Variants in CDH16 observed in about 807,000 individuals in gnomAD.
CDH16 encodes cadherin-16.
In CDH16, 79 loss-of-function variants were observed where a neutral mutation model predicts 87.6. The ratio of observed to expected loss-of-function variants is 0.90; its 90% CI spans 0.75 to 1.09. The LOEUF (loss-of-function observed/expected upper bound fraction) is 1.09, where lower values mean the gene tolerates loss of function less well. Ranked by LOEUF, CDH16 falls within the 50% of genes least tolerant of loss-of-function variation. The pLI, the probability that CDH16 is intolerant of heterozygous loss-of-function variation, is 0.00. For synonymous variants in CDH16, 457 were observed against 439.5 expected, an observed-to-expected ratio of 1.04 and a Z score of -0.50; for missense variants, 1,124 against 1,071.7, an observed-to-expected ratio of 1.05 and a Z score of -0.68.
chr16:66,918,078 C>T lies in CDH16; in HGVS notation c.-13G>A. On this transcript the variant is annotated splice_region_variant and 5_prime_UTR_variant, in exon 2 of 18. Transcript: ENST00000299752. ...AGGCAGGGACCATGGTCAGGACAGG[C>T]CTGAGGGACACGGCAGTGAGGATCC... 1 of 1,572,780 alleles carries T rather than the reference C, an allele frequency of 6.4e-7. No homozygotes were observed.
In CDH16 at chr16:66,910,396, TG is replaced by T; in HGVS notation, c.2030del (p.Thr677AsnfsTer8). Reference protein sequence around the residue: ...LAPVPSQYLCTPRQDHGLIVS... With the variant: ...LAPVPSQYLCXPRQDHGLIVS... ...CGATCAAGCCATGGTCTTGGCGGGG[TG>T]TGCAGAGGTATTGGGAGGGCACAGG... On this transcript the variant is annotated frameshift_variant, in exon 15 of 18. Transcript: ENST00000299752. LOFTEE classifies it high-confidence loss of function. 6.2e-7 allele frequency: 1 copy of T among 1,612,312 alleles called. No individual in the cohort carries two copies. The highest frequency in any genetic ancestry group is 8.5e-7 in the Non-Finnish European group (1 of 1,179,166).
At position 66,911,971 on chromosome 16, in the gene CDH16, A is replaced by C. The variant is rs750562354; in HGVS notation, c.1718T>G (p.Val573Gly). The part of the protein sequence containing the change: ...KLDQESYEAS[V>G]PISAPAGSFL... ...AGAGCCGGCTGGGGCACTGATGGGG[A>C]CACTGGCCTCGTAGCTCTCCTGGTC... Residue 573 changes from valine to glycine, a missense_variant, in exon 13 of 18, where the codon GTC (valine) becomes GGC (glycine). Transcript: ENST00000299752. 1 of 1,613,980 alleles carries C rather than the reference A, an allele frequency of 6.2e-7. No individual in the cohort carries two copies. The highest frequency in any genetic ancestry group is 1.7e-5 in the Admixed American group (1 of 60,018).
chr16:66,909,198 T>C lies in CDH16; in HGVS notation c.2392+69A>G. 1 of 981,340 alleles carries C rather than the reference T, an allele frequency of 1.0e-6. No individual in the cohort carries two copies. The highest frequency in any genetic ancestry group is 2.4e-5 in the East Asian group (1 of 41,712). 60.8% of individuals were successfully genotyped at this position (981,340 alleles called of 1,614,324 possible). On this transcript the variant is annotated intron_variant, in intron 17 of 17. Transcript: ENST00000299752. This position sits in a 1 kb window ranked among gnomAD's most constrained non-coding sequence, Gnocchi z 4.1. ...AGGGGCACCATGGGGACAAAGGTGT[T>C]TATTTGGAGGCTGTGGTCCCAACCA...
chr16:66,916,224 G>A lies in CDH16; in HGVS notation c.286-21C>T, dbSNP rs964550152. On this transcript the variant is annotated intron_variant, in intron 4 of 17. Coordinates refer to ENST00000299752, the MANE Select transcript of CDH16 (RefSeq NM_004062.4). The surrounding 1 kb of genome is among the most constrained non-coding windows in gnomAD (Gnocchi z 4.1). ...GTGACCTGGCAGGGAAGGGGAGTCA[G>A]CGTCTGGCTCTGCCTTGCCTGCTCT... 5 of 1,614,250 alleles carry A rather than the reference G, an allele frequency of 3.1e-6. No homozygotes were observed. The highest frequency in any genetic ancestry group is 4.2e-6 in the Non-Finnish European group (5 of 1,180,032).
rs748140967 is a variant in CDH16 at position 66,913,615 on chromosome 16, TG to T, written c.781-3del. ...CACATCACCCCCACTCCAGTGTACC[TG>T]GGGGGGACACCCCGGGCCAAGGGGC... On this transcript the variant is annotated splice_region_variant and splice_polypyrimidine_tract_variant and intron_variant, in intron 7 of 17. Coordinates refer to ENST00000299752, the MANE Select transcript of CDH16 (RefSeq NM_004062.4). The T allele has an allele frequency of 1.9e-6, 3 of 1,613,546 alleles. No homozygotes were observed. The highest frequency in any genetic ancestry group is 1.3e-5 in the African/African-American group (1 of 75,022).
In CDH16 at chr16:66,918,090, G is replaced by A. The variant is rs777822274; in HGVS notation, c.-13-12C>T. On this transcript the variant is annotated splice_polypyrimidine_tract_variant and intron_variant, in intron 1 of 17. Coordinates refer to ENST00000299752, the MANE Select transcript of CDH16 (RefSeq NM_004062.4). Reference sequence around the variant, plus strand: ...TGGTCAGGACAGGCCTGAGGGACACGGCAGTGAGGATCCAGCCCAGGTGGG... The same window carrying A: ...TGGTCAGGACAGGCCTGAGGGACACAGCAGTGAGGATCCAGCCCAGGTGGG... The A allele has an allele frequency of 1.5e-5, 24 of 1,554,796 alleles. No homozygotes were observed. Among genetic ancestry groups the A allele is most frequent in the South Asian group, 1.2e-4 (10 of 82,780 alleles).
chr16:66,913,464 G>A, intron 8 of CDH16, 27 bp downstream of exon 8: 1 of 1,613,890 alleles, frequency 6.2e-7, no homozygotes. Flanking sequence ...CCCCCAGCCT[G>A]CATCCCTGGC....
intron 6 of CDH16, 105 bp downstream of exon 6, chr16:66,915,115 C>T: frequency 8.4e-7 from 1 of 1,185,484 alleles, no homozygotes; most frequent in Non-Finnish European, 1.2e-6. Context: ...CCTTCCCTCC[C>T]TTTTTACCTC....
Position 66,916,777 on chromosome 16 carries a change from T to A in CDH16, c.130-348A>T, listed in dbSNP as rs113748090. On this transcript the variant is annotated intron_variant, in intron 3 of 17. Transcript: ENST00000299752. This position sits in a 1 kb window ranked among gnomAD's most constrained non-coding sequence, Gnocchi z 4.1. ...TAACCCGAAAATCTGAAATCTGAAA[T>A]ACTCAAAATCTGAAACTTTTTGAGC... Among the ~76,000 whole-genome samples the A allele has an allele frequency of 7.2e-5, 11 of 152,332 alleles. No homozygotes were observed. Among genetic ancestry groups the A allele is most frequent in the African/African-American group, 2.2e-4 (9 of 41,576 alleles).
At chr16:66,910,826 A>C in intron 14 of CDH16, 2 of 359,570 alleles carry the variant, frequency 5.6e-6, no homozygotes, top group South Asian at 7.2e-5. Context: ...TGGCCCATTC[A>C]CTCCAGCACT....
Position 66,915,297 on chromosome 16 carries a change from C to T in CDH16, c.506G>A (p.Ser169Asn). 1 of 1,614,016 alleles carries T rather than the reference C, an allele frequency of 6.2e-7. No individual in the cohort carries two copies. Among genetic ancestry groups the T allele is most frequent in the South Asian group, 1.1e-5 (1 of 91,064 alleles). Reference sequence around the variant, plus strand: ...TGGGGAAGGCTGGGCTGGAGCCTGGCTCAGGATGTGGAATCGAAGATCCGA... The same window carrying T: ...TGGGGAAGGCTGGGCTGGAGCCTGGTTCAGGATGTGGAATCGAAGATCCGA... ...ANSDLRFHIL[S>N]QAPAQPSPDM... Residue 169 changes from serine to asparagine, a missense_variant, in exon 6 of 18, where the codon AGC (serine) becomes AAC (asparagine). Coordinates refer to ENST00000299752, the MANE Select transcript of CDH16 (RefSeq NM_004062.4).
rs577923489 is a variant in CDH16, at chr16:66,916,898, C to A, written c.130-469G>T. Among the ~76,000 whole-genome samples the A allele has an allele frequency of 2.0e-5, 3 of 152,302 alleles. No homozygotes were observed. In the South Asian group the frequency reaches 6.2e-4, roughly 32 times the overall value. On this transcript the variant is annotated intron_variant, in intron 3 of 17. Transcript: ENST00000299752. The surrounding 1 kb of genome is among the most constrained non-coding windows in gnomAD (Gnocchi z 4.1). ...CAGAACTTTGTTTCATGCACAAAAT[C>A]ATTAAAAATATTCGCCCAGGAGCAG...
Position 66,911,913 on chromosome 16 carries a change from G to A in CDH16, c.1776C>T (p.Ile592=). ...FLLTIQPSDP[I]SRTLRFSLVN... ...TTTTAGCTCACCTGAGGGTTCGGCT[G>A]ATGGGGTCGGAGGGCTGGATGGTCA... is the stretch of plus-strand genomic sequence containing the variant. Residue 592 remains isoleucine, a synonymous_variant, in exon 13 of 18, where the codon ATC becomes ATT. Coordinates refer to ENST00000299752, the MANE Select transcript of CDH16 (RefSeq NM_004062.4). 1 of 1,601,960 alleles carries A rather than the reference G, an allele frequency of 6.2e-7. No individual in the cohort carries two copies. The highest frequency in any genetic ancestry group is 1.1e-5 in the South Asian group (1 of 90,026).
rs779923317 is a variant in CDH16 at position 66,912,527 on chromosome 16, C to T, written c.1336G>A (p.Ala446Thr). Residue 446 changes from alanine (A) to threonine (T), a missense_variant, in exon 11 of 18, where the codon GCC (alanine) becomes ACC (threonine). Transcript: ENST00000299752. Reference sequence around the variant, plus strand: ...ACCTGGGAAGTGATGAACTCAGGGGCGTGATCATTGATATCTGTGACTGCG... The same window carrying T: ...ACCTGGGAAGTGATGAACTCAGGGGTGTGATCATTGATATCTGTGACTGCG... The part of the protein sequence containing the change: ...EVAVTDINDH[A>T]PEFITSQIGP... 6 of 1,614,158 alleles carry T rather than the reference C, an allele frequency of 3.7e-6. No individual in the cohort carries two copies. Among genetic ancestry groups the T allele is most frequent in the African/African-American group, 1.3e-5 (1 of 75,020 alleles).
chr16:66,913,209 C>A lies in CDH16; in HGVS notation c.976G>T (p.Val326Leu). 2 of 1,597,690 alleles carry A rather than the reference C, an allele frequency of 1.3e-6. No individual in the cohort carries two copies. The highest frequency in any genetic ancestry group is 8.5e-7 in the Non-Finnish European group (1 of 1,172,584). ...GGCACGTTGTCATTCTCATCCATCA[C>A]CAGCACGTGCAGCTCCAGAGGGGCC... ...YAAPLELHVL[V>L]MDENDNVPIC... Residue 326 changes from valine to leucine, a missense_variant, in exon 9 of 18, where the codon GTG becomes TTG. By Grantham distance (32) the Val-to-Leu change is conservative. Transcript: ENST00000299752.
chr16:66,908,171 C>A lies in CDH16; in HGVS notation c.*221G>T. 1 of 572,584 alleles carries A rather than the reference C, an allele frequency of 1.7e-6. No individual in the cohort carries two copies. The highest frequency in any genetic ancestry group is 3.1e-6 in the Non-Finnish European group (1 of 320,438). 35.5% of individuals were successfully genotyped at this position (572,584 alleles called of 1,614,324 possible). On this transcript the variant is annotated 3_prime_UTR_variant, in exon 18 of 18. Transcript: ENST00000299752. ...AGTTCTCTGGGGCTTTATTATTGGG[C>A]AAACACCCTGACATTTGGAGCACTC...
At chr16:66,911,138 G>A (rs1962393010) in intron 14 of CDH16, 44 bp downstream of exon 14, 2 of 1,575,792 alleles carry the variant, frequency 1.3e-6, no homozygotes, top group East Asian at 2.3e-5. Flanking sequence ...TCTGTCTGAG[G>A]TTTGTACCCC....
intron 5 of CDH16, among the ~76,000 whole-genome samples, chr16:66,915,828 G>A (rs775859025): frequency 6.6e-6 from 1 of 152,242 alleles, no homozygotes; most frequent in African/African-American, 2.4e-5. Context: ...CCTAGGAGGT[G>A]GAGGTTGCAG....
chr16:66,914,199 G>T lies in CDH16; in HGVS notation c.780+17C>A. 1.2e-6 allele frequency: 2 copies of T among 1,604,124 alleles called. No individual in the cohort carries two copies. Among genetic ancestry groups the T allele is most frequent in the South Asian group, 2.2e-5 (2 of 90,730 alleles). On this transcript the variant is annotated intron_variant, in intron 7 of 17. Coordinates refer to ENST00000299752, the MANE Select transcript of CDH16 (RefSeq NM_004062.4). ...CATCCATGGGGCTGCTTCAGCCACT[G>T]ACAGCCACTTACTCACCTGGGCCAT...
Sources: gnomAD v4.1 joint callset for allele counts (sites outside exome capture counted in the v4.1 genomes callset) on GRCh38, gnomAD v4.1.1 for gene constraint, Gnocchi (gnomAD v3.1) non-coding constraint, MANE v1.5 for transcripts, NCBI Gene and HGNC (gene_info 2026-07-23, HGNC 2026-07-21) for gene names.